The following AKR1C3 variants were observed in gnomAD, a reference collection of about 807,000 sequenced individuals.
AKR1C3 encodes the protein aldo-keto reductase family 1 member C3.
A neutral mutation model predicts 43.6 loss-of-function variants in AKR1C3; 48 were observed. The ratio of observed to expected loss-of-function variants is 1.10; its 90% CI spans 0.87 to 1.40. The LOEUF is 1.40. Among genes scored for constraint, AKR1C3 ranks in the 40% most tolerant of loss-of-function variants. The probability of loss-of-function intolerance (pLI) is 0.00; values close to 1 mark genes in which losing one functional copy is unlikely to be tolerated. For synonymous variants in AKR1C3, 162 were observed against 139.6 expected, an observed-to-expected ratio of 1.16 and a Z score of -1.13; for missense variants, 482 against 391.2, an observed-to-expected ratio of 1.23 and a Z score of -1.96.
At chr10:5,076,058 G>A (rs1320929521) in intron 1 of AKR1C3, among the ~76,000 whole-genome samples, 1 of 152,084 alleles carries the variant, frequency 6.6e-6, no homozygotes, top group Non-Finnish European at 1.5e-5. Context: ...GATCCTTTTA[G>A]CAACCACCTT....
At chr10:5,098,915 A>T (rs954159639) in intron 4 of AKR1C3, 36 bp downstream of exon 4, 2 of 1,522,846 alleles carry the variant, frequency 1.3e-6, no homozygotes, top group Admixed American at 3.8e-5. Context: ...GAGAAGGATG[A>T]CAAAAAGAGA....
upstream of AKR1C3, among the ~76,000 whole-genome samples, chr10:5,089,657 G>T (rs982599130): frequency 1.3e-5 from 2 of 151,636 alleles, no homozygotes; most frequent in African/African-American, 4.8e-5. Context: ...TAGTTTCTTT[G>T]TGTTTGTTTT....
rs2245191 is a variant in AKR1C3 at position 5,097,623 on chromosome 10, C to G, written c.369+73C>G. 1.9e-6 allele frequency: 3 copies of G among 1,605,758 alleles called. No individual in the cohort carries two copies. The East Asian group carries it at 6.7e-5, about 36-fold the overall frequency. On this transcript the variant is annotated intron_variant, in intron 3 of 8. Transcript: ENST00000380554. ...AACATTGTTTATCTGGATAGTTGAA[C>G]AGAGCTTTTTATTAGGAGGATGTAG...
rs1839244650 is a variant in AKR1C3 at position 5,097,759 on chromosome 10, C to A, written c.369+209C>A. The A allele has an allele frequency of 5.2e-6, 7 of 1,333,418 alleles. No individual in the cohort carries two copies. In the Admixed American group the frequency reaches 2.2e-4, roughly 43 times the overall value. 82.6% of individuals were successfully genotyped at this position (1,333,418 alleles called of 1,614,324 possible). On this transcript the variant is annotated intron_variant, in intron 3 of 8. Transcript: ENST00000380554. Reference sequence around the variant, plus strand: ...ACACCTACAAGAGAAGAGAGTACAGCAACCTCAAAGCCTCTTCCTCAAAAA... The same window carrying A: ...ACACCTACAAGAGAAGAGAGTACAGAAACCTCAAAGCCTCTTCCTCAAAAA...
Sources: gnomAD v4.1 joint callset for allele counts (sites outside exome capture counted in the v4.1 genomes callset) on GRCh38, gnomAD v4.1.1 for gene constraint, MANE v1.5 for transcripts, NCBI Gene and HGNC (gene_info 2026-07-23, HGNC 2026-07-21) for gene names.